IL19: variants seen among roughly 807,000 people sequenced by gnomAD.
IL19 encodes the protein interleukin-19.
IL19 carries 15 observed loss-of-function variants against 19.5 expected under a neutral mutation model. The observed-to-expected ratio is 0.77, with a 90% CI of 0.52 to 1.19. The LOEUF is 1.19. Ranked by LOEUF, IL19 falls within the 50% of genes most tolerant of loss-of-function variation. IL19 has a pLI of 0.00. For synonymous variants in IL19, 78 were observed against 78.3 expected (o/e 1.00, Z 0.02); for missense variants, 199 against 213.1 (o/e 0.93, Z 0.41).
chr1:206,791,550 G>T (rs1192911633), intron 1 of IL19, among the ~76,000 whole-genome samples: 1 of 152,136 alleles, frequency 6.6e-6, no homozygotes, highest in African/African-American at 2.4e-5. Context: ...TGATCTGCCC[G>T]CCTTGGCCTC....
intron 2 of IL19, among the ~76,000 whole-genome samples, chr1:206,815,136 T>G (rs1022417312): frequency 5.9e-5 from 9 of 152,186 alleles, no homozygotes; most frequent in African/African-American, 2.2e-4. Flanking sequence ...GCCAGAGCAG[T>G]GGGCTGTGAA....
chr1:206,840,021 A>T lies in IL19; in HGVS notation c.363+19A>T. 1 of 1,614,098 alleles carries T rather than the reference A, an allele frequency of 6.2e-7. No individual in the cohort carries two copies. Among genetic ancestry groups the T allele is most frequent in the South Asian group, 1.1e-5 (1 of 91,090 alleles). ...GCAATGTGTGAGTCACTGGGTCAGA[A>T]TTCCAGCATCTGCTCCCTGTCTGCC... On this transcript the variant is annotated intron_variant, in intron 5 of 6. Transcript: ENST00000659997.
At chr1:206,798,839 C>A in intron 1 of IL19, 22 bp from the exon 2 acceptor site, 1 of 1,314,458 alleles carries the variant, frequency 7.6e-7, no homozygotes, top group Non-Finnish European at 1.1e-6. Flanking sequence ...GTAATGATGA[C>A]TCTCTATGAT....
At position 206,785,501 on chromosome 1, in the gene IL19, C is replaced by A. The variant is rs559242590; in HGVS notation, c.-148-13360C>A. The stretch of plus-strand genomic sequence containing the variant: ...GAAGCTGAGTTCCTGTGGGGCTGAT[C>A]TGTGAGCTGGGACAGGTGGGGAGGA... On this transcript the variant is annotated intron_variant, in intron 1 of 6. Transcript: ENST00000659997. Among the ~76,000 whole-genome samples, 3 of 152,288 alleles carry A rather than the reference C, an allele frequency of 2.0e-5. No individual in the cohort carries two copies. The South Asian group carries it at 6.2e-4, about 32-fold the overall frequency.
chr1:206,811,025 C>T (rs1288477257), intron 2 of IL19, among the ~76,000 whole-genome samples: 2 of 152,200 alleles, frequency 1.3e-5, no homozygotes, highest in Non-Finnish European at 2.9e-5. Flanking sequence ...GCACAGTCTG[C>T]AGAACTGCGA....
At chr1:206,792,316 C>T (rs937358266) in intron 1 of IL19, among the ~76,000 whole-genome samples, 9 of 152,210 alleles carry the variant, frequency 5.9e-5, no homozygotes, top group Admixed American at 1.3e-4. Flanking sequence ...CCTCATACCC[C>T]TCTGCCCCTC....
chr1:206,780,844 G>A (rs1363066468), intron 1 of IL19, among the ~76,000 whole-genome samples: 2 of 152,176 alleles, frequency 1.3e-5, no homozygotes, highest in African/African-American at 4.8e-5. Context: ...TCTAAGATGT[G>A]TTCGGTGTGT....
chr1:206,798,079 C>T (rs965008048), intron 1 of IL19, among the ~76,000 whole-genome samples: 5 of 152,198 alleles, frequency 3.3e-5, no homozygotes, highest in Non-Finnish European at 5.9e-5. Flanking sequence ...AAGCATGGCA[C>T]ACCTGCTGTA....
chr1:206,823,406 T>A (rs967862713), intron 2 of IL19, among the ~76,000 whole-genome samples: 3 of 151,684 alleles, frequency 2.0e-5, no homozygotes, highest in East Asian at 3.9e-4. Context: ...ACAAAAAAAA[T>A]TAGCTGGGCG....
At chr1:206,808,269 G>A (rs1196447244) in intron 2 of IL19, among the ~76,000 whole-genome samples, 2 of 152,224 alleles carry the variant, frequency 1.3e-5, no homozygotes, top group Non-Finnish European at 2.9e-5. Context: ...AGGCGGAGTT[G>A]CGGTGAGCCA....
intron 1 of IL19, among the ~76,000 whole-genome samples, chr1:206,794,802 C>T (rs968636765): frequency 6.6e-6 from 1 of 152,186 alleles, no homozygotes; most frequent in Admixed American, 6.5e-5. Flanking sequence ...TGACCTGTAC[C>T]AAGCCCGGTG....
At chr1:206,783,187 T>C (rs1675187078) in intron 1 of IL19, among the ~76,000 whole-genome samples, 1 of 152,046 alleles carries the variant, frequency 6.6e-6, no homozygotes, top group African/African-American at 2.4e-5. Flanking sequence ...CACCTGATTG[T>C]GGGAGACCAT....
At chr1:206,820,807 C>G (rs1676273057) in intron 2 of IL19, among the ~76,000 whole-genome samples, 1 of 152,178 alleles carries the variant, frequency 6.6e-6, no homozygotes, top group Admixed American at 6.5e-5. Flanking sequence ...CCTGCCGCCT[C>G]CTCCCCACCC....
At chr1:206,790,554 C>T (rs538270121) in intron 1 of IL19, among the ~76,000 whole-genome samples, 1 of 152,316 alleles carries the variant, frequency 6.6e-6, no homozygotes, top group South Asian at 2.1e-4. Flanking sequence ...GCAGAATTTT[C>T]CCCAGAGCCA....
chr1:206,842,421 C>A, intron 6 of IL19, 106 bp from the exon 7 acceptor site: 1 of 695,128 alleles, frequency 1.4e-6, no homozygotes, highest in Non-Finnish European at 2.4e-6. Context: ...GACAAAAAAA[C>A]AAAAACAGAA....
At chr1:206,818,534 G>T (rs561531907) in intron 2 of IL19, among the ~76,000 whole-genome samples, 6 of 152,182 alleles carry the variant, frequency 3.9e-5, no homozygotes, top group Admixed American at 3.9e-4. Context: ...GCCTGAGCAG[G>T]GTTGGAGTGG....
At chr1:206,817,748 T>C (rs976466753) in intron 2 of IL19, among the ~76,000 whole-genome samples, 9 of 151,962 alleles carry the variant, frequency 5.9e-5, no homozygotes, top group African/African-American at 2.2e-4. Context: ...TTTACAATTA[T>C]GGTAGAAGAT....
Position 206,842,558 on chromosome 1 carries a change from T to C in IL19, c.470T>C (p.Leu157Pro). ...LEVHAAAIKS[L>P]GELDVFLAWI... ...GTCCACGCTGCTGCCATTAAATCCCTGGGAGAGCTCGACGTCTTTCTAGCC... is the reference window on the plus strand; with the variant it reads ...GTCCACGCTGCTGCCATTAAATCCCCGGGAGAGCTCGACGTCTTTCTAGCC... The change falls in exon 7 of 7, where the codon CTG (leucine) becomes CCG (proline). Residue 157 changes from leucine to proline, a missense_variant. Coordinates refer to ENST00000659997, the MANE Select transcript of IL19 (RefSeq NM_153758.5). 6.3e-7 allele frequency: 1 copy of C among 1,576,014 alleles called. No homozygotes were observed. Among genetic ancestry groups the C allele is most frequent in the East Asian group, 2.3e-5 (1 of 43,796 alleles).
intron 2 of IL19, among the ~76,000 whole-genome samples, chr1:206,830,813 G>A (rs1474250369): frequency 2.0e-5 from 3 of 152,166 alleles, no homozygotes; most frequent in Non-Finnish European, 1.5e-5. Context: ...TCCTGACCTC[G>A]TGATCCGCCC....
Sources: allele counts gnomAD v4.1 joint callset (sites outside exome capture counted in the v4.1 genomes callset), GRCh38; gene constraint gnomAD v4.1.1; transcripts MANE v1.5; gene names NCBI Gene and HGNC (gene_info 2026-07-23, HGNC 2026-07-21).